Variants in STARD13 observed in about 807,000 individuals in gnomAD.
STARD13 encodes StAR related lipid transfer domain containing 13.
A neutral mutation model predicts 106.4 loss-of-function variants in STARD13; 62 were observed. The observed-to-expected ratio is 0.58, with a 90% confidence interval of 0.48 to 0.72. STARD13 has a LOEUF of 0.72. Ranked by LOEUF, STARD13 falls within the 30% of genes least tolerant of loss-of-function variation. The pLI, the probability that STARD13 is intolerant of heterozygous loss-of-function variation, is 0.00. For synonymous variants in STARD13, 565 were observed against 553.0 expected, an observed-to-expected ratio of 1.02 and a Z score of -0.31; for missense variants, 1,387 against 1,424.0, an observed-to-expected ratio of 0.97 and a Z score of 0.42.
the STARD13 span, among the ~76,000 whole-genome samples, chr13:33,440,375 C>T: frequency 1.8e-3 from 281 of 152,050 alleles, no homozygotes; most frequent in South Asian, 5.8e-3. Flanking sequence ...CTGGTGCCAC[C>T]AATAGTCTCC....
chr13:33,366,140 G>A, the STARD13 span, among the ~76,000 whole-genome samples: 2 of 151,742 alleles, frequency 1.3e-5, no homozygotes, highest in Non-Finnish European at 2.9e-5. The surrounding 1 kb of genome is among the most constrained non-coding windows in gnomAD (Gnocchi z 4.2). Flanking sequence ...ATACAGAATG[G>A]CTTATACTTG....
the STARD13 span, among the ~76,000 whole-genome samples, chr13:33,447,594 G>C: frequency 6.6e-6 from 1 of 152,176 alleles, no homozygotes; most frequent in Non-Finnish European, 1.5e-5. Flanking sequence ...TTATCTGGAA[G>C]CATCAGTGCA....
chr13:33,524,180 C>T, the STARD13 span: 16 of 995,906 alleles, frequency 1.6e-5, no homozygotes, highest in East Asian at 1.5e-4. Flanking sequence ...TGAATTACAC[C>T]GTATGAACAG....
the STARD13 span, among the ~76,000 whole-genome samples, chr13:33,614,000 T>G: frequency 6.6e-6 from 1 of 152,226 alleles, no homozygotes; most frequent in Non-Finnish European, 1.5e-5. Flanking sequence ...GACTTCTAAG[T>G]GCACATGAAC....
At chr13:33,623,686 T>G in the STARD13 span, among the ~76,000 whole-genome samples, 1 of 152,054 alleles carries the variant, frequency 6.6e-6, no homozygotes, top group Non-Finnish European at 1.5e-5. Flanking sequence ...ACAAATGAGC[T>G]GATATTATTT....
At chr13:33,172,132 T>A (rs538725271) in intron 1 of STARD13, among the ~76,000 whole-genome samples, 15 of 152,356 alleles carry the variant, frequency 9.8e-5, no homozygotes, top group African/African-American at 3.6e-4. Flanking sequence ...ACTTTATATA[T>A]GTTATCTGTC....
the STARD13 span, among the ~76,000 whole-genome samples, chr13:33,589,764 ATG>A: frequency 1.3e-5 from 2 of 152,194 alleles, no homozygotes; most frequent in Non-Finnish European, 2.9e-5. Flanking sequence ...GCTGAGAAGA[ATG>A]TATATTCTGT....
At chr13:33,595,321 A>G in the STARD13 span, among the ~76,000 whole-genome samples, 1 of 152,182 alleles carries the variant, frequency 6.6e-6, no homozygotes, top group African/African-American at 2.4e-5. Context: ...AAAAAACTCT[A>G]TCTACTAAGA....
chr13:33,380,926 T>C, the STARD13 span, among the ~76,000 whole-genome samples: 22 of 152,186 alleles, frequency 1.4e-4, no homozygotes, highest in East Asian at 4.2e-3. Context: ...GCAGACAGAA[T>C]TGGATTGAGT....
intron 1 of STARD13, chr13:33,281,394 G>C (rs1011198190): frequency 4.1e-5 from 6 of 147,564 alleles, no homozygotes; most frequent in African/African-American, 1.5e-4. Flanking sequence ...CTTACATTTG[G>C]GTTTTCCAAA....
chr13:33,283,697 C>T (rs1891917715), intron 1 of STARD13, among the ~76,000 whole-genome samples: 3 of 152,030 alleles, frequency 2.0e-5, no homozygotes, highest in Admixed American at 2.0e-4. Context: ...CACTCCATTG[C>T]CCAGTATAAA....
the STARD13 span, among the ~76,000 whole-genome samples, chr13:33,623,932 C>T: frequency 0.12 from 18,425 of 152,032 alleles, 2,816 homozygotes; most frequent in African/African-American, 0.36. Context: ...ACTAGAATGG[C>T]GGAATATTGA....
the STARD13 span, among the ~76,000 whole-genome samples, chr13:33,510,007 T>G: frequency 2.0e-5 from 3 of 152,200 alleles, no homozygotes; most frequent in Non-Finnish European, 4.4e-5. Context: ...AGAGAGTCCT[T>G]GCTCTCTTTG....
At chr13:33,589,756 T>C in the STARD13 span, among the ~76,000 whole-genome samples, 2 of 152,234 alleles carry the variant, frequency 1.3e-5, no homozygotes, top group African/African-American at 2.4e-5. Context: ...GATGTGGTGC[T>C]GAGAAGAATG....
At chr13:33,113,056 C>T in intron 8 of STARD13, 125 bp from the exon 9 acceptor site, 1 of 664,310 alleles carries the variant, frequency 1.5e-6, no homozygotes, top group South Asian at 2.3e-5. Flanking sequence ...ACAAAAACAA[C>T]CAGAACAGCA....
At chr13:33,551,941 A>G in the STARD13 span, among the ~76,000 whole-genome samples, 2 of 152,232 alleles carry the variant, frequency 1.3e-5, no homozygotes, top group East Asian at 1.9e-4. Flanking sequence ...GAAAGTTAAA[A>G]GGATGGAAAA....
chr13:33,284,501 A>G (rs1214117743), intron 1 of STARD13, among the ~76,000 whole-genome samples: 1 of 152,124 alleles, frequency 6.6e-6, no homozygotes, highest in East Asian at 1.9e-4. Context: ...TTTGTTGTGT[A>G]GGAGGAGGGT....
the STARD13 span, among the ~76,000 whole-genome samples, chr13:33,499,604 T>TTCTTCCTTCTTCTTCTTCTTCTTC: frequency 1.3e-4 from 5 of 39,898 alleles, no homozygotes; most frequent in African/African-American, 4.6e-4. Context: ...CTTCTTCTTC[T>TTCTTCCTTCTTCTTCTTCTTCTTC]TTCTTCTTCT....
chr13:33,529,013 T>C, the STARD13 span, among the ~76,000 whole-genome samples: 1 of 152,276 alleles, frequency 6.6e-6, no homozygotes, highest in South Asian at 2.1e-4. Context: ...GGGTTTTATT[T>C]ATTACTTCCT....
Sources: gnomAD v4.1 joint callset for allele counts (sites outside exome capture counted in the v4.1 genomes callset) on GRCh38, gnomAD v4.1.1 for gene constraint, Gnocchi (gnomAD v3.1) non-coding constraint, MANE v1.5 for transcripts, NCBI Gene and HGNC (gene_info 2026-07-23, HGNC 2026-07-21) for gene names.